The following PCDH9 variants were observed in gnomAD, a reference collection of about 807,000 sequenced individuals.
PCDH9 encodes the protein protocadherin 9, also known as protocadherin-9.
In PCDH9, 24 loss-of-function variants were observed where a neutral mutation model predicts 70.6. That is an observed-to-expected ratio of 0.34 (90% CI 0.25 to 0.48). The LOEUF is 0.48. PCDH9 is among the 20% of genes least tolerant of loss of function. The pLI, the probability that PCDH9 is intolerant of heterozygous loss-of-function variation, is 0.99. For synonymous variants in PCDH9, 562 were observed against 558.5 expected (o/e 1.01, Z -0.09); for missense variants, 1,281 against 1,503.6 (o/e 0.85, Z 2.45).
chr13:66,426,343 T>C (rs1957669995), intron 4 of PCDH9, among the ~76,000 whole-genome samples: 1 of 151,642 alleles, frequency 6.6e-6, no homozygotes. Flanking sequence ...ATGTAAAGTA[T>C]ATTTCCTTAA....
chr13:66,809,907 C>G (rs1352350910), intron 3 of PCDH9, among the ~76,000 whole-genome samples: 1 of 152,036 alleles, frequency 6.6e-6, no homozygotes, highest in Non-Finnish European at 1.5e-5. Context: ...TGTCCTTGTC[C>G]TTAGTGGCTA....
chr13:67,049,130 T>C (rs773473191), intron 2 of PCDH9, among the ~76,000 whole-genome samples: 7 of 152,226 alleles, frequency 4.6e-5, no homozygotes, highest in Non-Finnish European at 1.0e-4. Context: ...CTTCTTGTTC[T>C]AATGAAAAGT....
chr13:66,770,837 C>T (rs73210215), intron 3 of PCDH9, among the ~76,000 whole-genome samples: 12,407 of 152,198 alleles, frequency 0.082, 528 homozygotes, highest in East Asian at 0.14. Flanking sequence ...AACACTGAAG[C>T]GAGAGAAGCA....
chr13:66,730,299 A>T (rs1344427569), intron 3 of PCDH9, among the ~76,000 whole-genome samples: 2 of 152,096 alleles, frequency 1.3e-5, no homozygotes, highest in African/African-American at 4.8e-5. Flanking sequence ...TTTTCATAGC[A>T]TGTTTGCAAA....
At chr13:66,947,680 T>C (rs1337940612) in intron 2 of PCDH9, among the ~76,000 whole-genome samples, 2 of 152,172 alleles carry the variant, frequency 1.3e-5, no homozygotes, top group East Asian at 1.9e-4. Context: ...CTGTCCATAG[T>C]TGGAAAAGTA....
chr13:66,583,902 A>G (rs1447930901), intron 4 of PCDH9, among the ~76,000 whole-genome samples: 1 of 152,160 alleles, frequency 6.6e-6, no homozygotes, highest in Non-Finnish European at 1.5e-5. Context: ...GCAGCTCACT[A>G]CATGTAGGTT....
chr13:66,561,761 C>G (rs559947984), intron 4 of PCDH9, among the ~76,000 whole-genome samples: 38 of 152,040 alleles, frequency 2.5e-4, no homozygotes, highest in African/African-American at 8.4e-4. Flanking sequence ...CACCAATCAG[C>G]GCCCTGTCAA....
chr13:66,765,957 AATCTAAAAAC>A (rs2079710072), intron 3 of PCDH9, among the ~76,000 whole-genome samples: 1 of 152,020 alleles, frequency 6.6e-6, no homozygotes, highest in Non-Finnish European at 1.5e-5. Flanking sequence ...TACTTTTTTT[AATCTAAAAAC>A]ATGATATGTA....
At chr13:66,710,274 C>A (rs983734077) in intron 3 of PCDH9, among the ~76,000 whole-genome samples, 2 of 151,946 alleles carry the variant, frequency 1.3e-5, no homozygotes, top group Non-Finnish European at 1.5e-5. Flanking sequence ...ATAACTATGG[C>A]GATTCCACTG....
At chr13:66,541,548 T>A (rs1174105506) in intron 4 of PCDH9, among the ~76,000 whole-genome samples, 2 of 152,170 alleles carry the variant, frequency 1.3e-5, no homozygotes, top group East Asian at 3.8e-4. Flanking sequence ...ACAGCCTAAT[T>A]TCAATCTGTG....
At chr13:66,780,170 C>T (rs984471735) in intron 3 of PCDH9, among the ~76,000 whole-genome samples, 91 of 151,968 alleles carry the variant, frequency 6.0e-4, no homozygotes, top group African/African-American at 2.1e-3. Context: ...ATTATAGTAA[C>T]CTCTTTACTG....
At chr13:66,358,986 A>G (rs979660304) in intron 4 of PCDH9, among the ~76,000 whole-genome samples, 1 of 151,984 alleles carries the variant, frequency 6.6e-6, no homozygotes, top group African/African-American at 2.4e-5. Flanking sequence ...ATTTCAGGCA[A>G]AAGTCGCTCA....
intron 2 of PCDH9, among the ~76,000 whole-genome samples, chr13:67,096,204 G>A (rs1057122937): frequency 1.1e-4 from 16 of 152,230 alleles, no homozygotes; most frequent in African/African-American, 3.9e-4. Flanking sequence ...GTGTGTATGT[G>A]TTGGGGGTAG....
At chr13:66,422,702 G>A (rs188363307) in intron 4 of PCDH9, among the ~76,000 whole-genome samples, 19 of 151,912 alleles carry the variant, frequency 1.3e-4, no homozygotes, top group African/African-American at 4.6e-4. Context: ...AGGAGAAAGT[G>A]GGAAAGATCT....
At chr13:66,539,477 C>G (rs1476607396) in intron 4 of PCDH9, among the ~76,000 whole-genome samples, 1 of 152,000 alleles carries the variant, frequency 6.6e-6, no homozygotes, top group Admixed American at 6.6e-5. Flanking sequence ...CTTTGGATTT[C>G]TTGCTGCTGC....
intron 3 of PCDH9, among the ~76,000 whole-genome samples, chr13:66,847,609 A>C (rs915758190): frequency 1.3e-5 from 2 of 152,168 alleles, no homozygotes; most frequent in Admixed American, 1.3e-4. Context: ...CAGAGCTTTC[A>C]CCTATTAACT....
At chr13:66,541,691 C>A (rs914457617) in intron 4 of PCDH9, among the ~76,000 whole-genome samples, 1 of 152,130 alleles carries the variant, frequency 6.6e-6, no homozygotes, top group Non-Finnish European at 1.5e-5. Context: ...AGTGTAACCT[C>A]ATCTTAACCA....
intron 2 of PCDH9, among the ~76,000 whole-genome samples, chr13:67,197,946 A>G (rs1048791424): frequency 2.6e-5 from 4 of 151,792 alleles, no homozygotes; most frequent in African/African-American, 9.7e-5. Context: ...CAAAGAAAGT[A>G]ACACATGGTT....
rs563749209 is a variant in PCDH9, at chr13:67,029,109, A to G, written c.3037-125504T>C. Among the ~76,000 whole-genome samples the G allele has an allele frequency of 1.8e-3, 276 of 152,284 alleles. 1 individual carries two copies. The highest frequency in any genetic ancestry group is 6.1e-3 in the African/African-American group (252 of 41,570). Reference sequence around the variant, plus strand: ...GAAAAATATGATCTGTTTTCAAGGAACTCATAAGCAGGCCAAGAAAGACTA... The same window carrying G: ...GAAAAATATGATCTGTTTTCAAGGAGCTCATAAGCAGGCCAAGAAAGACTA... On this transcript the variant is annotated intron_variant, in intron 2 of 4. Transcript: ENST00000377865.
Sources: gnomAD v4.1 joint callset for allele counts (sites outside exome capture counted in the v4.1 genomes callset) on GRCh38, gnomAD v4.1.1 for gene constraint, MANE v1.5 for transcripts, NCBI Gene and HGNC (gene_info 2026-07-23, HGNC 2026-07-21) for gene names.